GRID1: variants seen among roughly 807,000 people sequenced by gnomAD.
GRID1 encodes glutamate receptor ionotropic, delta-1.
Under a neutral mutation model 98.0 loss-of-function variants are expected in GRID1, and 28 were observed. The ratio of observed to expected loss-of-function variants is 0.29; its 90% CI spans 0.21 to 0.39. The LOEUF is 0.39. Ranked by LOEUF, GRID1 falls within the 10% of genes least tolerant of loss-of-function variation. The pLI is 1.00. For missense variants in GRID1, 1,111 were observed against 1,340.5 expected (o/e 0.83, Z 2.67); for synonymous variants, 553 against 538.5 (o/e 1.03, Z -0.37).
intron 4 of GRID1, among the ~76,000 whole-genome samples, chr10:85,973,864 T>C (rs1842438342): frequency 6.6e-6 from 1 of 152,242 alleles, no homozygotes; most frequent in African/African-American, 2.4e-5. Context: ...AGTCAGATTA[T>C]GTGGATTTGA....
chr10:85,716,415 G>A (rs1841640101), intron 12 of GRID1, among the ~76,000 whole-genome samples: 1 of 152,056 alleles, frequency 6.6e-6, no homozygotes, highest in Non-Finnish European at 1.5e-5. Context: ...CTGTTGTGGG[G>A]TGGGCGGAGG....
chr10:85,725,229 G>A (rs1027431171), intron 10 of GRID1, among the ~76,000 whole-genome samples: 1 of 152,188 alleles, frequency 6.6e-6, no homozygotes, highest in African/African-American at 2.4e-5. Flanking sequence ...ATTAGCCAGT[G>A]AGTGTTTCAT....
chr10:86,251,891 A>G (rs1252091278), intron 2 of GRID1, among the ~76,000 whole-genome samples: 1 of 152,186 alleles, frequency 6.6e-6, no homozygotes, highest in African/African-American at 2.4e-5. Context: ...ATATCCTGTG[A>G]GCACAAACCT....
chr10:86,147,880 C>T (rs1192302747), intron 3 of GRID1, among the ~76,000 whole-genome samples: 2 of 152,162 alleles, frequency 1.3e-5, no homozygotes, highest in South Asian at 4.2e-4. Context: ...GGCCAGGTAC[C>T]AGACAACCAA....
chr10:85,760,837 T>C (rs1239825734), intron 8 of GRID1, among the ~76,000 whole-genome samples: 1 of 152,192 alleles, frequency 6.6e-6, no homozygotes, highest in Non-Finnish European at 1.5e-5. Context: ...TTTGGTAAAA[T>C]GTTGTTGCCA....
intron 4 of GRID1, among the ~76,000 whole-genome samples, chr10:86,039,229 A>T (rs1411266673): frequency 3.9e-5 from 6 of 152,056 alleles, no homozygotes; most frequent in Non-Finnish European, 8.8e-5. Context: ...ATTTTCCCCT[A>T]TTCCTCCACC....
Position 85,907,090 on chromosome 10 carries a change from T to C in GRID1, c.780+9096A>G, listed in dbSNP as rs561739262. Among the ~76,000 whole-genome samples the C allele has an allele frequency of 2.0e-5, 3 of 152,320 alleles. No individual in the cohort carries two copies. The South Asian group carries it at 6.2e-4, about 32-fold the overall frequency. On this transcript the variant is annotated intron_variant, in intron 5 of 15. Coordinates refer to ENST00000327946, the MANE Select transcript of GRID1 (RefSeq NM_017551.3). ...GGATGCTAGTGGGATATTATGAACT[T>C]CATACCTATAAGTTTTTTTGTTTGT...
intron 2 of GRID1, among the ~76,000 whole-genome samples, chr10:86,291,867 G>A (rs1023495922): frequency 2.6e-5 from 4 of 152,158 alleles, no homozygotes; most frequent in Non-Finnish European, 5.9e-5. Flanking sequence ...TTCAACATGC[G>A]GCCCTGATCG....
At chr10:86,016,684 G>C (rs1023270891) in intron 4 of GRID1, among the ~76,000 whole-genome samples, 1 of 152,110 alleles carries the variant, frequency 6.6e-6, no homozygotes, top group African/African-American at 2.4e-5. Context: ...TCCTGCTTCT[G>C]TGATATTTTA....
At chr10:86,023,861 A>T (rs1455523451) in intron 4 of GRID1, among the ~76,000 whole-genome samples, 4 of 152,226 alleles carry the variant, frequency 2.6e-5, no homozygotes, top group Non-Finnish European at 4.4e-5. Flanking sequence ...CCGGCACTAC[A>T]CATGACAAGG....
intron 4 of GRID1, among the ~76,000 whole-genome samples, chr10:85,958,684 G>A (rs566268489): frequency 4.6e-5 from 7 of 152,246 alleles, no homozygotes; most frequent in East Asian, 3.9e-4. Context: ...GGGTCCAGGC[G>A]TGGTGGCTCA....
intron 4 of GRID1, among the ~76,000 whole-genome samples, chr10:85,977,538 T>C (rs1014611561): frequency 6.6e-6 from 1 of 152,250 alleles, no homozygotes; most frequent in African/African-American, 2.4e-5. Flanking sequence ...CAAGGGCATA[T>C]TCATAGCTAT....
At chr10:86,363,019 G>A (rs1172555431) in intron 2 of GRID1, among the ~76,000 whole-genome samples, 1 of 152,286 alleles carries the variant, frequency 6.6e-6, no homozygotes. Context: ...GAGGGAAGGA[G>A]AAGGGACTTA....
intron 8 of GRID1, among the ~76,000 whole-genome samples, chr10:85,846,233 T>C (rs1232998189): frequency 1.3e-5 from 2 of 152,150 alleles, no homozygotes; most frequent in Non-Finnish European, 2.9e-5. Context: ...AAAAAGTTTT[T>C]TAAAATAGCA....
chr10:85,758,101 C>G (rs921227776), intron 8 of GRID1, among the ~76,000 whole-genome samples: 23 of 152,338 alleles, frequency 1.5e-4, no homozygotes, highest in Admixed American at 1.2e-3. Context: ...TCCTTGATTC[C>G]ATTTCTGCAT....
chr10:86,308,681 A>C (rs2132086629), intron 2 of GRID1, among the ~76,000 whole-genome samples: 1 of 151,778 alleles, frequency 6.6e-6, no homozygotes, highest in South Asian at 2.1e-4. Flanking sequence ...TATTAAAAAA[A>C]CAGAGATTTA....
chr10:85,758,411 G>A (rs1198185021), intron 8 of GRID1, among the ~76,000 whole-genome samples: 3 of 152,144 alleles, frequency 2.0e-5, no homozygotes, highest in African/African-American at 7.2e-5. Flanking sequence ...CACATGGCTG[G>A]CAAGTTGGTG....
intron 2 of GRID1, among the ~76,000 whole-genome samples, chr10:86,316,262 C>A (rs1274520779): frequency 6.6e-6 from 1 of 152,240 alleles, no homozygotes; most frequent in Non-Finnish European, 1.5e-5. Context: ...CCAATACATT[C>A]TGCACATTTG....
At chr10:85,683,447 G>A (rs1253640344) in intron 12 of GRID1, among the ~76,000 whole-genome samples, 1 of 152,210 alleles carries the variant, frequency 6.6e-6, no homozygotes, top group Non-Finnish European at 1.5e-5. Flanking sequence ...AGAGCTCTTA[G>A]ATTTGGCATG....
Sources: gnomAD v4.1 joint callset for allele counts (sites outside exome capture counted in the v4.1 genomes callset) on GRCh38, gnomAD v4.1.1 for gene constraint, MANE v1.5 for transcripts, NCBI Gene and HGNC (gene_info 2026-07-23, HGNC 2026-07-21) for gene names.